Variants in HNF4G observed in about 807,000 individuals in gnomAD.
HNF4G encodes hepatocyte nuclear factor 4 gamma.
A neutral mutation model predicts 50.9 loss-of-function variants in HNF4G; 21 were observed. That is an observed-to-expected ratio of 0.41 (90% CI 0.29 to 0.59). The LOEUF (loss-of-function observed/expected upper bound fraction) is 0.59, where lower values mean the gene tolerates loss of function less well. HNF4G is among the 20% of genes least tolerant of loss of function. The probability of loss-of-function intolerance (pLI) is 0.26; values close to 1 mark genes in which losing one functional copy is unlikely to be tolerated. For missense variants in HNF4G, 527 were observed against 559.4 expected (o/e 0.94, Z 0.58); for synonymous variants, 198 against 185.6 (o/e 1.07, Z -0.54).
In HNF4G at chr8:75,556,028, C is replaced by T; in HGVS notation, c.692C>T (p.Ala231Val). ...GCAGGGGAGCACTTACTGCTTGGAGCTACAAAGAGATCCATGATGTATAAA... is the reference window on the plus strand; with the variant it reads ...GCAGGGGAGCACTTACTGCTTGGAGTTACAAAGAGATCCATGATGTATAAA... ...AHAGEHLLLG[A>V]TKRSMMYKDI... The change falls in exon 6 of 10, where the codon GCT becomes GTT. Residue 231 changes from alanine to valine, a missense_variant. This residue lies in a region of HNF4G where 308 missense variants were observed against 301.5 expected (regional missense o/e 1.02). Coordinates refer to ENST00000396423, the MANE Select transcript of HNF4G (RefSeq NM_004133.5). The T allele has an allele frequency of 6.3e-7, 1 of 1,585,684 alleles. No individual in the cohort carries two copies. The highest frequency in any genetic ancestry group is 1.2e-5 in the South Asian group (1 of 86,260).
chr8:75,533,552 G>GTTCATATTATATTATA (rs1276015129), intron 2 of HNF4G, among the ~76,000 whole-genome samples: 1 of 151,778 alleles, frequency 6.6e-6, no homozygotes, highest in Non-Finnish European at 1.5e-5. Context: ...ACTGTGTTTA[G>GTTCATATTATATTATA]TTCATATTAT....
At chr8:75,535,308 G>A (rs1806432784), upstream of HNF4G, among the ~76,000 whole-genome samples, 1 of 151,720 alleles carries the variant, frequency 6.6e-6, no homozygotes, top group African/African-American at 2.4e-5. Context: ...TATTTCAAAA[G>A]AGGAAGAATG....
intron 2 of HNF4G, among the ~76,000 whole-genome samples, chr8:75,517,533 G>A (rs1000988198): frequency 6.6e-6 from 1 of 152,140 alleles, no homozygotes; most frequent in Non-Finnish European, 1.5e-5. Flanking sequence ...GGGGCTACAG[G>A]CCCTATTCAA....
At chr8:75,504,152 C>T (rs563335741) in intron 2 of HNF4G, among the ~76,000 whole-genome samples, 2 of 151,548 alleles carry the variant, frequency 1.3e-5, no homozygotes, top group South Asian at 4.2e-4. Flanking sequence ...GACCAGGAGG[C>T]ACAGGTTGCA....
At chr8:75,480,723 T>TC (rs1378735857) in intron 1 of HNF4G, among the ~76,000 whole-genome samples, 2 of 122,216 alleles carry the variant, frequency 1.6e-5, no homozygotes, top group Non-Finnish European at 1.7e-5. Flanking sequence ...TTTTCTTTCT[T>TC]TTTTTTTTTT....
At chr8:75,553,472 T>A (rs1053629007) in intron 5 of HNF4G, among the ~76,000 whole-genome samples, 11 of 152,098 alleles carry the variant, frequency 7.2e-5, no homozygotes, top group African/African-American at 2.7e-4. Context: ...AAGGGTCATG[T>A]GAGGGAGAAA....
At chr8:75,453,792 G>A (rs1329287900) in intron 1 of HNF4G, among the ~76,000 whole-genome samples, 2 of 151,868 alleles carry the variant, frequency 1.3e-5, no homozygotes, top group African/African-American at 2.4e-5. Flanking sequence ...AATGTTTTTT[G>A]CTTTGTTTTG....
intron 2 of HNF4G, among the ~76,000 whole-genome samples, chr8:75,513,883 T>C (rs975951062): frequency 7.1e-6 from 1 of 140,918 alleles, no homozygotes; most frequent in Non-Finnish European, 1.6e-5. Context: ...ATATAATGCT[T>C]TCTTTCATTT....
chr8:75,449,630 C>T (rs1468865378), intron 1 of HNF4G, among the ~76,000 whole-genome samples: 1 of 151,362 alleles, frequency 6.6e-6, no homozygotes, highest in Non-Finnish European at 1.5e-5. Flanking sequence ...CCTCAGCCTC[C>T]CTTGTAGCTG....
chr8:75,540,821 G>A (rs539540315), intron 1 of HNF4G, among the ~76,000 whole-genome samples: 6 of 149,566 alleles, frequency 4.0e-5, no homozygotes, highest in South Asian at 2.1e-4. Flanking sequence ...TCCTAAGATC[G>A]AGTAATTATG....
chr8:75,549,378 C>T (rs909992338), intron 3 of HNF4G, among the ~76,000 whole-genome samples: 10 of 151,970 alleles, frequency 6.6e-5, no homozygotes, highest in East Asian at 3.9e-4. Context: ...AATTCATAAA[C>T]GCTTAGCTAA....
chr8:75,559,027 G>A lies in HNF4G; in HGVS notation c.1113G>A (p.Met371Ile). 6.5e-7 allele frequency: 1 copy of A among 1,546,076 alleles called. No homozygotes were observed. Among genetic ancestry groups the A allele is most frequent in the East Asian group, 2.2e-5 (1 of 44,518 alleles). ...MVKIDNLLQE[M>I]LLGGASNDGS... ...AAATTGACAATCTACTTCAGGAAAT[G>A]CTATTAGGTGGTGAGTACATTGAAT... Residue 371 changes from methionine to isoleucine, a missense_variant, in exon 8 of 10, where the codon ATG (methionine) becomes ATA (isoleucine). Around this residue, in one of 5 missense-constraint regions of HNF4G, gnomAD observed 308 missense variants for 301.5 expected, o/e 1.02. Coordinates refer to ENST00000396423, the MANE Select transcript of HNF4G (RefSeq NM_004133.5).
At chr8:75,482,993 A>G (rs923660394) in intron 1 of HNF4G, among the ~76,000 whole-genome samples, 1 of 152,188 alleles carries the variant, frequency 6.6e-6, no homozygotes, top group African/African-American at 2.4e-5. Context: ...ACTAAATAAC[A>G]GAGTAATCAG....
chr8:75,526,922 A>G (rs1289106173), intron 2 of HNF4G: 1 of 151,552 alleles, frequency 6.6e-6, no homozygotes, highest in Admixed American at 6.6e-5. Flanking sequence ...GCCCGCCACC[A>G]CGCCTGGATA....
intron 1 of HNF4G, among the ~76,000 whole-genome samples, chr8:75,453,424 C>T (rs575676546): frequency 2.0e-5 from 3 of 152,282 alleles, no homozygotes; most frequent in African/African-American, 7.2e-5. Flanking sequence ...TAAAATGGAA[C>T]GATCAGCACT....
chr8:75,506,332 G>A lies in HNF4G; in HGVS notation c.-24+16124G>A, dbSNP rs563987130. 9.9e-4 allele frequency among the ~76,000 whole-genome samples: 151 copies of A among 152,038 alleles called. 1 individual carries two copies. Among genetic ancestry groups the A allele is most frequent in the East Asian group, 3.9e-4 (2 of 5,172 alleles). Reference sequence around the variant, plus strand: ...AGACCTATCATAAAATTTACAAGCAGATTTAGTAATTATTAAATACTAGAT... The same window carrying A: ...AGACCTATCATAAAATTTACAAGCAAATTTAGTAATTATTAAATACTAGAT... On this transcript the variant is annotated intron_variant, in intron 2 of 10. Coordinates refer to the HNF4G transcript ENST00000354370.
At chr8:75,424,986 C>T (rs759377508) in intron 1 of HNF4G, among the ~76,000 whole-genome samples, 2 of 152,146 alleles carry the variant, frequency 1.3e-5, no homozygotes, top group Non-Finnish European at 2.9e-5. Context: ...TCCACAGTGA[C>T]TGAACTAATT....
At chr8:75,493,412 T>C (rs942957053) in intron 2 of HNF4G, among the ~76,000 whole-genome samples, 6 of 152,284 alleles carry the variant, frequency 3.9e-5, no homozygotes, top group African/African-American at 1.4e-4. Flanking sequence ...TAAAGGTATA[T>C]ACAGCAAAAT....
chr8:75,494,299 A>AACAC lies in HNF4G; in HGVS notation c.-24+4091_-24+4092insACAC, dbSNP rs1812706318. Among the ~76,000 whole-genome samples, 159 of 137,138 alleles carry AACAC rather than the reference A, an allele frequency of 1.2e-3. 4 individuals are homozygous for AACAC. The highest frequency in any genetic ancestry group is 3.8e-3 in the African/African-American group (147 of 38,928). The allele number at this position is 137,138 out of a possible 152,430, so 90.0% of individuals were successfully genotyped here. ...GAAAAAAGCTACTGCTCTCCCATAC[A>AACAC]GCACACACACACACACACACACACA... On this transcript the variant is annotated intron_variant, in intron 2 of 10. Coordinates refer to the HNF4G transcript ENST00000354370.
Sources: allele counts gnomAD v4.1 joint callset (sites outside exome capture counted in the v4.1 genomes callset), GRCh38; gene constraint gnomAD v4.1.1; regional missense constraint gnomAD v4.1.1; transcripts MANE v1.5; gene names NCBI Gene and HGNC (gene_info 2026-07-23, HGNC 2026-07-21).